NFIB: variants seen among roughly 807,000 people sequenced by gnomAD.
The protein encoded by NFIB is nuclear factor I B.
A neutral mutation model predicts 61.5 loss-of-function variants in NFIB; 11 were observed. That is an observed-to-expected ratio of 0.18 (90% CI 0.11 to 0.30). The LOEUF is 0.30. Among genes scored for constraint, NFIB ranks in the 10% least tolerant of loss-of-function variants. NFIB has a pLI of 1.00. For missense variants in NFIB, 471 were observed against 608.9 expected (o/e 0.77, Z 2.38); for synonymous variants, 260 against 216.5 (o/e 1.20, Z -1.76).
chr9:14,451,842 T>A, the NFIB span, among the ~76,000 whole-genome samples: 10 of 152,158 alleles, frequency 6.6e-5, no homozygotes, highest in Non-Finnish European at 1.2e-4. Flanking sequence ...ATGTTTATTT[T>A]CATGAAGCCC....
intron 6 of NFIB, among the ~76,000 whole-genome samples, chr9:14,133,890 T>G (rs1023576929): frequency 9.3e-5 from 14 of 151,178 alleles, no homozygotes; most frequent in African/African-American, 3.4e-4. Context: ...AATAAAGGAC[T>G]GATGATGGGT....
chr9:14,119,024 C>T (rs2038570217), intron 8 of NFIB, among the ~76,000 whole-genome samples: 1 of 151,858 alleles, frequency 6.6e-6, no homozygotes, highest in Non-Finnish European at 1.5e-5. Flanking sequence ...AAAAAAAAAT[C>T]CAATGGAACT....
the NFIB span, among the ~76,000 whole-genome samples, chr9:14,513,268 C>T: frequency 6.6e-6 from 1 of 152,078 alleles, no homozygotes; most frequent in Non-Finnish European, 1.5e-5. Context: ...CTTGTTCTTA[C>T]TCTCCTAGAT....
chr9:14,234,995 AT>A (rs1028261339), intron 2 of NFIB, among the ~76,000 whole-genome samples: 2 of 152,122 alleles, frequency 1.3e-5, no homozygotes, highest in African/African-American at 4.8e-5. Flanking sequence ...CTTTTAAATC[AT>A]TCATTATTCT....
At chr9:14,429,386 G>A in the NFIB span, among the ~76,000 whole-genome samples, 44 of 152,296 alleles carry the variant, frequency 2.9e-4, no homozygotes, top group African/African-American at 1.0e-3. Flanking sequence ...GGCAGGATCT[G>A]AATCCAGGTC....
intron 1 of NFIB, among the ~76,000 whole-genome samples, chr9:14,346,919 T>G (rs1310669521): frequency 6.6e-6 from 1 of 151,908 alleles, no homozygotes; most frequent in East Asian, 2.0e-4. Flanking sequence ...CAGCTTCGGG[T>G]GAGGGTGGGG....
chr9:14,480,883 C>T, the NFIB span, among the ~76,000 whole-genome samples: 1 of 152,034 alleles, frequency 6.6e-6, no homozygotes. Context: ...ATCACTCCTG[C>T]TGGAAATCAC....
intron 2 of NFIB, among the ~76,000 whole-genome samples, chr9:14,280,422 T>G (rs7856646): frequency 1.3e-5 from 2 of 152,130 alleles, no homozygotes; most frequent in African/African-American, 4.8e-5. Flanking sequence ...TTTACTTAAA[T>G]GTTGCCTTAC....
intron 1 of NFIB, chr9:14,361,402 T>C (rs1007789567): frequency 2.0e-5 from 3 of 152,324 alleles, no homozygotes; most frequent in South Asian, 4.1e-4. Context: ...AATGCAAATA[T>C]TCAAATATCA....
intron 7 of NFIB, among the ~76,000 whole-genome samples, chr9:14,123,879 C>T (rs2039287721): frequency 6.6e-6 from 1 of 152,092 alleles, no homozygotes; most frequent in African/African-American, 2.4e-5. Context: ...GTCCCTCTGC[C>T]TCCCAGGTTG....
At chr9:14,203,583 C>A (rs1398158639) in intron 2 of NFIB, among the ~76,000 whole-genome samples, 1 of 152,208 alleles carries the variant, frequency 6.6e-6, no homozygotes, top group African/African-American at 2.4e-5. Flanking sequence ...GCTCTCCGCG[C>A]GGGCAGGATC....
the NFIB span, among the ~76,000 whole-genome samples, chr9:14,528,153 G>T: frequency 8.5e-5 from 13 of 152,156 alleles, no homozygotes; most frequent in African/African-American, 3.1e-4. Flanking sequence ...AATGTTTGCT[G>T]TGAAAACAAT....
chr9:14,316,374 G>A (rs886810601), upstream of NFIB, among the ~76,000 whole-genome samples: 1 of 151,844 alleles, frequency 6.6e-6, no homozygotes, highest in Non-Finnish European at 1.5e-5. Flanking sequence ...GGCCGGGGAC[G>A]GGGGCTGCTG....
At chr9:14,361,606 A>C (rs1195960318) in intron 1 of NFIB, 1 of 152,232 alleles carries the variant, frequency 6.6e-6, no homozygotes, top group Non-Finnish European at 1.5e-5. Context: ...GTATTAATTC[A>C]AGTCTACTCT....
chr9:14,471,164 A>G, the NFIB span, among the ~76,000 whole-genome samples: 2 of 152,392 alleles, frequency 1.3e-5, no homozygotes, highest in Admixed American at 1.3e-4. Context: ...AATCGTAGGA[A>G]GCAACAATCT....
chr9:14,258,935 C>T (rs1222510526), intron 2 of NFIB, among the ~76,000 whole-genome samples: 1 of 152,166 alleles, frequency 6.6e-6, no homozygotes, highest in African/African-American at 2.4e-5. Context: ...GATCTGGCTT[C>T]ATTTGGAGGC....
intron 1 of NFIB, among the ~76,000 whole-genome samples, chr9:14,373,038 T>A (rs918562873): frequency 2.0e-5 from 3 of 152,130 alleles, no homozygotes; most frequent in East Asian, 3.9e-4. Context: ...AATGAGCTGT[T>A]TATATAGCGT....
chr9:14,384,456 C>A (rs1359388536), intron 1 of NFIB, among the ~76,000 whole-genome samples: 1 of 152,190 alleles, frequency 6.6e-6, no homozygotes, highest in African/African-American at 2.4e-5. Context: ...AACCCCTTTG[C>A]CTTCAAAGCC....
At chr9:14,220,010 C>T (rs1418627205) in intron 2 of NFIB, among the ~76,000 whole-genome samples, 1 of 152,170 alleles carries the variant, frequency 6.6e-6, no homozygotes, top group Admixed American at 6.5e-5. Flanking sequence ...GGGAGCGCAT[C>T]AAAGCAACAG....
Sources: allele counts gnomAD v4.1 joint callset (sites outside exome capture counted in the v4.1 genomes callset), GRCh38; gene constraint gnomAD v4.1.1; transcripts MANE v1.5; gene names NCBI Gene and HGNC (gene_info 2026-07-23, HGNC 2026-07-21).